Variants in ZDHHC15 observed in about 807,000 individuals in gnomAD.
ZDHHC15 encodes the protein zDHHC palmitoyltransferase 15, also known as palmitoyltransferase ZDHHC15.
Under a neutral mutation model 31.7 loss-of-function variants are expected in ZDHHC15, and 19 were observed. That is an observed-to-expected ratio of 0.60 (90% CI 0.42 to 0.88). The LOEUF (loss-of-function observed/expected upper bound fraction) is 0.88. Among genes scored for constraint, ZDHHC15 ranks in the 40% least tolerant of loss-of-function variants. ZDHHC15 has a pLI of 0.00. For missense variants in ZDHHC15, 209 were observed against 251.2 expected (o/e 0.83, Z 1.14); for synonymous variants, 103 against 90.0 (o/e 1.14, Z -0.82).
chrX:75,500,508 G>T (rs2085072679), intron 2 of ZDHHC15, among the ~76,000 whole-genome samples: 1 of 108,963 alleles, frequency 9.2e-6, no homozygotes, highest in Non-Finnish European at 1.9e-5. Context: ...TGAATGCAAA[G>T]AAAAAGATCT....
Position 75,469,007 on chromosome X carries a change from G to A in ZDHHC15, c.258+9884C>T, listed in dbSNP as rs983786856. On this transcript the variant is annotated intron_variant, in intron 3 of 11. Transcript: ENST00000373367. ...TGCAAATATTTTCTCCCATTCTTTG[G>A]ATGATCATCTCACTTTCTTGATAGT... Among the ~76,000 whole-genome samples the A allele has an allele frequency of 2.0e-4, 22 of 111,006 alleles. No individual in the cohort carries two copies. In the Admixed American group the frequency reaches 2.1e-3, roughly 11 times the overall value.
intron 2 of ZDHHC15, among the ~76,000 whole-genome samples, chrX:75,494,192 A>G (rs2148019238): frequency 9.0e-6 from 1 of 111,482 alleles, no homozygotes; most frequent in African/African-American, 3.3e-5. Context: ...AATTGCTTCA[A>G]AGATAATAAA....
At chrX:75,376,186 T>G (rs1352099826) in intron 11 of ZDHHC15, among the ~76,000 whole-genome samples, 1 of 110,780 alleles carries the variant, frequency 9.0e-6, no homozygotes, top group Non-Finnish European at 1.9e-5. Context: ...TTCATATGTT[T>G]GTTGGCTGCT....
intron 4 of ZDHHC15, among the ~76,000 whole-genome samples, chrX:75,446,162 A>G (rs1021083983): frequency 2.7e-5 from 3 of 112,232 alleles, no homozygotes; most frequent in African/African-American, 9.7e-5. Context: ...GAAAAAACAT[A>G]AAGTTGAATC....
intron 3 of ZDHHC15, among the ~76,000 whole-genome samples, chrX:75,471,776 A>G (rs2084506949): frequency 8.9e-6 from 1 of 111,913 alleles, no homozygotes; most frequent in African/African-American, 3.2e-5. Context: ...CAGATCCAAC[A>G]GTGCTTGAGT....
intron 10 of ZDHHC15, 77 bp downstream of exon 10, chrX:75,417,010 T>C: frequency 4.8e-6 from 4 of 835,588 alleles, no homozygotes; most frequent in South Asian, 2.4e-5. Context: ...GCTTATAAAA[T>C]CTTTCTGGAC....
chrX:75,483,914 A>G lies in ZDHHC15; in HGVS notation c.164-4929T>C, dbSNP rs189745653. Among the ~76,000 whole-genome samples, 107 of 111,362 alleles carry G rather than the reference A, an allele frequency of 9.6e-4. 1 individual carries two copies. Among genetic ancestry groups the G allele is most frequent in the Non-Finnish European group, 3.6e-4 (19 of 53,125 alleles). ...TTGTAAGCTAGTTCTCTGCTTGCTA[A>G]GGAAGTGGAAGGGATTCTACCAATC... On this transcript the variant is annotated intron_variant, in intron 2 of 11. Coordinates refer to ENST00000373367, the MANE Select transcript of ZDHHC15 (RefSeq NM_144969.3).
At chrX:75,499,116 C>A (rs188631613) in intron 2 of ZDHHC15, among the ~76,000 whole-genome samples, 12 of 111,455 alleles carry the variant, frequency 1.1e-4, no homozygotes, top group Non-Finnish European at 2.3e-4. Flanking sequence ...CATCTCTCAT[C>A]ATATACAAAA....
chrX:75,484,644 G>A (rs183428139), intron 2 of ZDHHC15, among the ~76,000 whole-genome samples: 136 of 111,915 alleles, frequency 1.2e-3, no homozygotes, highest in African/African-American at 4.3e-3. Context: ...AACTGCTTTG[G>A]AAAACACTTT....
rs1044019835 is a variant in ZDHHC15 at position 75,442,029 on chromosome X, T to C, written c.379+8773A>G. ...TTAGTCCTGCCTCCTATATGCCGTATTTTTGTCTGGTTTTAATTCTGATGG... is the reference window on the plus strand; with the variant it reads ...TTAGTCCTGCCTCCTATATGCCGTACTTTTGTCTGGTTTTAATTCTGATGG... On this transcript the variant is annotated intron_variant, in intron 4 of 11. Transcript: ENST00000373367. 4.5e-5 allele frequency among the ~76,000 whole-genome samples: 5 copies of C among 112,088 alleles called. No homozygotes were observed. The Admixed American group carries it at 4.7e-4, about 11-fold the overall frequency.
At chrX:75,396,019 T>G (rs997931366) in intron 10 of ZDHHC15, among the ~76,000 whole-genome samples, 1 of 112,272 alleles carries the variant, frequency 8.9e-6, no homozygotes, top group Non-Finnish European at 1.9e-5. Flanking sequence ...GACCTAACTC[T>G]GAGACCTCAA....
intron 7 of ZDHHC15, among the ~76,000 whole-genome samples, chrX:75,425,169 CT>C (rs1206056806): frequency 9.0e-6 from 1 of 111,109 alleles, no homozygotes; most frequent in Non-Finnish European, 1.9e-5. Context: ...GTAAGTTATT[CT>C]GGAATTCTTT....
chrX:75,462,564 T>G (rs1445141116), intron 3 of ZDHHC15, among the ~76,000 whole-genome samples: 1 of 111,855 alleles, frequency 8.9e-6, no homozygotes, highest in African/African-American at 3.2e-5. Context: ...ACTGAAATCA[T>G]AACAGTCTCT....
At chrX:75,388,324 A>G (rs2083202023) in intron 10 of ZDHHC15, among the ~76,000 whole-genome samples, 1 of 112,413 alleles carries the variant, frequency 8.9e-6, no homozygotes, top group African/African-American at 3.2e-5. Context: ...AAACTCTAGT[A>G]TGAAGCCCAG....
At chrX:75,505,265 G>A (rs1171829247) in intron 2 of ZDHHC15, among the ~76,000 whole-genome samples, 1 of 111,770 alleles carries the variant, frequency 8.9e-6, no homozygotes, top group African/African-American at 3.2e-5. Context: ...AGTTATTACT[G>A]ATAAAATAAT....
intron 2 of ZDHHC15, among the ~76,000 whole-genome samples, chrX:75,481,147 G>A (rs1222285796): frequency 9.1e-6 from 1 of 110,383 alleles, no homozygotes; most frequent in Non-Finnish European, 1.9e-5. Context: ...TTGTTTCTTT[G>A]ATTTTATGAG....
At chrX:75,457,645 T>TCACACACACACACACA (rs35992807) in intron 3 of ZDHHC15, among the ~76,000 whole-genome samples, 5 of 93,931 alleles carry the variant, frequency 5.3e-5, no homozygotes, top group African/African-American at 1.9e-4. Flanking sequence ...TTATTTACAC[T>TCACACACACACACACA]CACACACACA....
At chrX:75,499,851 G>C (rs1048549291) in intron 2 of ZDHHC15, among the ~76,000 whole-genome samples, 2 of 111,558 alleles carry the variant, frequency 1.8e-5, no homozygotes, top group Non-Finnish European at 3.8e-5. Flanking sequence ...GTTTATAGCA[G>C]CACAATTCAC....
At chrX:75,503,313 T>A (rs1233727202) in intron 2 of ZDHHC15, among the ~76,000 whole-genome samples, 3 of 110,782 alleles carry the variant, frequency 2.7e-5, no homozygotes, top group Non-Finnish European at 5.7e-5. Flanking sequence ...GTTCTCCCTA[T>A]AAAATACAAA....
Sources: allele counts gnomAD v4.1 joint callset (sites outside exome capture counted in the v4.1 genomes callset), GRCh38; gene constraint gnomAD v4.1.1; transcripts MANE v1.5; gene names NCBI Gene and HGNC (gene_info 2026-07-23, HGNC 2026-07-21).